Variants in RAG1 observed in about 807,000 individuals in gnomAD.
RAG1 encodes the protein recombination activating 1.
RAG1 carries 35 observed loss-of-function variants against 62.7 expected under a neutral mutation model. That is an observed-to-expected ratio of 0.56 (90% CI 0.43 to 0.74). RAG1 has a LOEUF of 0.74. Ranked by LOEUF, RAG1 falls within the 30% of genes least tolerant of loss-of-function variation. The probability of loss-of-function intolerance (pLI) is 0.00; values close to 1 mark genes in which losing one functional copy is unlikely to be tolerated. For synonymous variants in RAG1, 461 were observed against 470.3 expected, an observed-to-expected ratio of 0.98 and a Z score of 0.26; for missense variants, 1,169 against 1,278.6, an observed-to-expected ratio of 0.91 and a Z score of 1.31.
chr11:36,539,142 A>G (rs192489851), downstream of RAG1, among the ~76,000 whole-genome samples: 1 of 152,320 alleles, frequency 6.6e-6, no homozygotes, highest in African/African-American at 2.4e-5. Flanking sequence ...AATTAAGATT[A>G]AAGGCGGTCA....
chr11:36,558,999 G>T (rs1850544516), intron 3 of RAG1, among the ~76,000 whole-genome samples: 1 of 152,076 alleles, frequency 6.6e-6, no homozygotes, highest in Non-Finnish European at 1.5e-5. Flanking sequence ...TCAGATATAG[G>T]GCTCCCTTAA....
In RAG1 at chr11:36,576,420, A is replaced by T; in HGVS notation, c.3116A>T (p.Asp1039Val). Residue 1039 changes from aspartate (D) to valine (V), a missense_variant, in exon 2 of 2, where the codon GAT becomes GTT. Asp to Val is a radical substitution (Grantham distance 152). Around this residue, in one of 2 missense-constraint regions of RAG1, gnomAD observed 800 missense variants for 943.3 expected, o/e 0.85. Transcript: ENST00000299440. Reference protein sequence around the residue: ...LGIEDSLESQDSMEF With the variant: ...LGIEDSLESQVSMEF ...ATAGAGGACTCTCTGGAAAGCCAAG[A>T]TTCAATGGAATTTTAAGTAGGGCAA... 1 of 1,614,152 alleles carries T rather than the reference A, an allele frequency of 6.2e-7. No individual in the cohort carries two copies. Among genetic ancestry groups the T allele is most frequent in the African/African-American group, 1.3e-5 (1 of 75,050 alleles).
At chr11:36,513,190 AC>A (rs769251957) in intron 1 of RAG1, among the ~76,000 whole-genome samples, 2 of 152,204 alleles carry the variant, frequency 1.3e-5, no homozygotes, top group Non-Finnish European at 2.9e-5. Context: ...CTTGCAAGAT[AC>A]CAGCCCCTTG....
intron 3 of RAG1, among the ~76,000 whole-genome samples, chr11:36,545,012 C>T (rs147396282): frequency 0.022 from 3,399 of 152,192 alleles, 128 homozygotes; most frequent in African/African-American, 0.077. Flanking sequence ...TTTATAGCAG[C>T]GTGAGAATGG....
chr11:36,573,388 G>T lies in RAG1; in HGVS notation c.84G>T (p.Trp28Cys). ...IQHPHIKFSE[W>C]KFKLFRVRSF... ...ACCCACATATTAAATTTTCAGAATGGAAATTTAAGCTGTTCCGGGTGAGAT... is the reference window on the plus strand; with the variant it reads ...ACCCACATATTAAATTTTCAGAATGTAAATTTAAGCTGTTCCGGGTGAGAT... The change falls in exon 2 of 2, where the codon TGG becomes TGT. Residue 28 changes from tryptophan (W) to cysteine (C), a missense_variant. Transcript: ENST00000299440. 1 of 1,614,036 alleles carries T rather than the reference G, an allele frequency of 6.2e-7. No individual in the cohort carries two copies. The highest frequency in any genetic ancestry group is 2.2e-5 in the East Asian group (1 of 44,868).
chr11:36,568,456 G>A (rs889466058), intron 1 of RAG1, among the ~76,000 whole-genome samples: 3 of 152,114 alleles, frequency 2.0e-5, no homozygotes, highest in Non-Finnish European at 2.9e-5. Flanking sequence ...GGTAGTTCAG[G>A]TGAGAAAAAT....
chr11:36,576,712 G>T lies in RAG1; in HGVS notation c.*276G>T, dbSNP rs892611864. The T allele has an allele frequency of 6.4e-6, 3 of 470,292 alleles. No homozygotes were observed. The highest frequency in any genetic ancestry group is 1.2e-5 in the Non-Finnish European group (3 of 248,450). 29.1% of individuals were successfully genotyped at this position (470,292 alleles called of 1,614,324 possible). A position where few individuals can be genotyped will look rare whatever the true frequency, so the allele number is the denominator to read the frequency against. The stretch of plus-strand genomic sequence containing the variant: ...GGAGTAACTGCAGGGGACCAGAGAT[G>T]AGCAAAGATCTGTGTGTGTTGGGGA... On this transcript the variant is annotated 3_prime_UTR_variant, in exon 2 of 2. Transcript: ENST00000299440.
chr11:36,550,699 C>G (rs1416303816), intron 3 of RAG1, among the ~76,000 whole-genome samples: 1 of 152,102 alleles, frequency 6.6e-6, no homozygotes, highest in African/African-American at 2.4e-5. Flanking sequence ...TTCTCAGTGC[C>G]TTTTTCCTTC....
At chr11:36,572,472 C>T (rs185100010) in intron 1 of RAG1, among the ~76,000 whole-genome samples, 25 of 152,322 alleles carry the variant, frequency 1.6e-4, no homozygotes, top group African/African-American at 2.2e-4. Flanking sequence ...TAATGACCAT[C>T]GACCAACAGT....
chr11:36,562,403 A>G (rs192039594), intron 3 of RAG1, among the ~76,000 whole-genome samples: 22 of 152,306 alleles, frequency 1.4e-4, no homozygotes, highest in African/African-American at 5.3e-4. Flanking sequence ...GCTTCATATT[A>G]TTATTCTCAA....
intron 3 of RAG1, among the ~76,000 whole-genome samples, chr11:36,560,699 G>C (rs567570913): frequency 8.5e-4 from 129 of 152,260 alleles, no homozygotes; most frequent in South Asian, 2.5e-3. Flanking sequence ...CGTGGGGACT[G>C]TGGGGGTCTT....
At chr11:36,541,921 A>G (rs1292176660) in intron 3 of RAG1, among the ~76,000 whole-genome samples, 2 of 152,106 alleles carry the variant, frequency 1.3e-5, no homozygotes, top group Admixed American at 1.3e-4. Flanking sequence ...AACTATCAAT[A>G]GGCAATATCT....
chr11:36,525,614 G>T (rs778511490), intron 2 of RAG1, among the ~76,000 whole-genome samples: 1 of 151,778 alleles, frequency 6.6e-6, no homozygotes, highest in East Asian at 1.9e-4. Context: ...TACATGTTTC[G>T]TACGTGTTTT....
rs752955928 is a variant in RAG1, at chr11:36,573,879, G to A, written c.575G>A (p.Cys192Tyr). The part of the protein sequence containing the change: ...IMHRKFSSAP[C>Y]EVYFPRNVTM... ...CACAGGAAGTTTAGCAGTGCCCCAT[G>A]TGAGGTTTACTTCCCGAGGAACGTG... The change falls in exon 2 of 2, where the codon TGT becomes TAT. Residue 192 changes from cysteine (C) to tyrosine (Y), a missense_variant. By Grantham distance (194) the Cys-to-Tyr change is radical. This residue lies in a region of RAG1 where 369 missense variants were observed against 335.3 expected (regional missense o/e 1.10). Transcript: ENST00000299440. 38 of 1,614,158 alleles carry A rather than the reference G, an allele frequency of 2.4e-5. No homozygotes were observed. In the East Asian group the frequency reaches 8.0e-4, roughly 34 times the overall value.
At chr11:36,570,472 G>A (rs1850724043) in intron 1 of RAG1, among the ~76,000 whole-genome samples, 1 of 152,122 alleles carries the variant, frequency 6.6e-6, no homozygotes, top group Admixed American at 6.5e-5. Flanking sequence ...AAATAGTGCA[G>A]CAATAAACAC....
Position 36,578,196 on chromosome 11 carries a change from C to T in RAG1, c.*1760C>T, listed in dbSNP as rs770846127. 3 of 167,030 alleles carry T rather than the reference C, an allele frequency of 1.8e-5. No individual in the cohort carries two copies. Among genetic ancestry groups the T allele is most frequent in the African/African-American group, 4.8e-5 (2 of 41,442 alleles). 10.3% of individuals were successfully genotyped at this position (167,030 alleles called of 1,614,324 possible). A position where few individuals can be genotyped will look rare whatever the true frequency, so the allele number is the denominator to read the frequency against. ...GATAATTTAGTTGTCAAAAGTGCAT[C>T]GGCGACATTATCTTTAATTGTATGT... is the stretch of plus-strand genomic sequence containing the variant. On this transcript the variant is annotated 3_prime_UTR_variant, in exon 2 of 2. Transcript: ENST00000299440.
intron 2 of RAG1, among the ~76,000 whole-genome samples, chr11:36,521,190 C>T (rs1292523105): frequency 6.6e-6 from 1 of 152,006 alleles, no homozygotes; most frequent in Non-Finnish European, 1.5e-5. Context: ...AACTCCTGAC[C>T]TCACACGATC....
downstream of RAG1, among the ~76,000 whole-genome samples, chr11:36,536,903 C>T (rs1271371956): frequency 3.5e-5 from 5 of 141,616 alleles, no homozygotes; most frequent in African/African-American, 8.2e-5. Context: ...GGACTACAGG[C>T]GCCTGCCACC....
intron 3 of RAG1, among the ~76,000 whole-genome samples, chr11:36,549,236 C>G (rs1850446175): frequency 1.3e-5 from 2 of 152,152 alleles, no homozygotes; most frequent in South Asian, 4.1e-4. Context: ...GACTAAAACA[C>G]CAAAAGCAAT....
Sources: gnomAD v4.1 joint callset for allele counts (sites outside exome capture counted in the v4.1 genomes callset) on GRCh38, gnomAD v4.1.1 for gene constraint, gnomAD v4.1.1 regional missense constraint, MANE v1.5 for transcripts, NCBI Gene and HGNC (gene_info 2026-07-23, HGNC 2026-07-21) for gene names.